The following CACNA1G variants were observed in gnomAD, a reference collection of about 807,000 sequenced individuals.
CACNA1G encodes the protein voltage-dependent T-type calcium channel subunit alpha-1G.
Under a neutral mutation model 219.4 loss-of-function variants are expected in CACNA1G, and 67 were observed. The ratio of observed to expected loss-of-function variants is 0.31; its 90% CI spans 0.25 to 0.37. CACNA1G has a LOEUF of 0.37. Ranked by LOEUF, CACNA1G falls within the 10% of genes least tolerant of loss-of-function variation. The pLI is 1.00. For synonymous variants in CACNA1G, 1,296 were observed against 1,345.3 expected (o/e 0.96, Z 0.80); for missense variants, 2,380 against 3,231.4 (o/e 0.74, Z 6.39).
rs150106833 is a variant in CACNA1G, at chr17:50,602,096, G to A, written c.3916-724G>A. ...TGCACTCCAGCCTTGGCTGCCTCCC[G>A]CCTGAGGCCCTGCTGTAGAGCTCTC... is the stretch of plus-strand genomic sequence containing the variant. On this transcript the variant is annotated intron_variant, in intron 19 of 37. Transcript: ENST00000359106. Among the ~76,000 whole-genome samples, 1,122 of 152,264 alleles carry A rather than the reference G, an allele frequency of 7.4e-3. 4 individuals are homozygous for A. The highest frequency in any genetic ancestry group is 0.024 in the Middle Eastern group (7 of 294).
chr17:50,573,969 T>C (rs893288825), intron 7 of CACNA1G, among the ~76,000 whole-genome samples: 1 of 152,254 alleles, frequency 6.6e-6, no homozygotes, highest in African/African-American at 2.4e-5. Context: ...TCCTCATTTA[T>C]CTGACCCTAC....
rs1213008889 is a variant in CACNA1G, at chr17:50,603,139, G to T, written c.4109G>T (p.Gly1370Val). 1 of 1,612,386 alleles carries T rather than the reference G, an allele frequency of 6.2e-7. No homozygotes were observed. The highest frequency in any genetic ancestry group is 1.7e-5 in the Admixed American group (1 of 59,996). The change falls in exon 21 of 38, where the codon GGC (glycine) becomes GTC (valine). Residue 1370 changes from glycine (G) to valine (V), a missense_variant. By Grantham distance (109) the Gly-to-Val change is moderately radical (BLOSUM62 -3). Around this residue, in one of 17 missense-constraint regions of CACNA1G, gnomAD observed 153 missense variants for 374.9 expected, o/e 0.41. Coordinates refer to ENST00000359106, the MANE Select transcript of CACNA1G (RefSeq NM_018896.5). This position sits in a 1 kb window ranked among gnomAD's most constrained non-coding sequence, Gnocchi z 6.4. The part of the protein sequence containing the change: ...DILVSMVSDS[G>V]TKILGMLRVL... ...CTGGTGTCCATGGTCTCTGACAGCG[G>T]CACCAAGATCCTGGGCATGCTGAGG...
chr17:50,572,110 T>C (rs2039571516), intron 5 of CACNA1G, 73 bp downstream of exon 5: 2 of 1,483,334 alleles, frequency 1.3e-6, no homozygotes, highest in African/African-American at 2.8e-5. Context: ...AGTTCCTCAC[T>C]TCCGGTTGCT....
rs374387476 is a variant in CACNA1G, at chr17:50,571,975, C to T, written c.684C>T (p.Val228=). ...CFFVFFIFGI[V]GVQLWAGLLR... is the part of the protein sequence containing the mutation. ...TCGTCTTCTTCATCTTCGGCATCGT[C>T]GGCGTCCAGCTGTGGGCAGGGCTGC... is the stretch of plus-strand genomic sequence containing the variant. The change falls in exon 5 of 38, where the codon GTC becomes GTT. Residue 228 remains valine (V), a synonymous_variant. Coordinates refer to ENST00000359106, the MANE Select transcript of CACNA1G (RefSeq NM_018896.5). This position sits in a 1 kb window ranked among gnomAD's most constrained non-coding sequence, Gnocchi z 4.3. The T allele has an allele frequency of 1.3e-5, 21 of 1,613,844 alleles. No individual in the cohort carries two copies. The highest frequency in any genetic ancestry group is 1.2e-4 in the South Asian group (11 of 91,090).
intron 14 of CACNA1G, among the ~76,000 whole-genome samples, chr17:50,595,719 CG>C (rs556269174): frequency 8.1e-4 from 124 of 152,368 alleles, no homozygotes; most frequent in African/African-American, 2.8e-3. Flanking sequence ...CACCAGAATT[CG>C]GGGCGAAGCC....
In CACNA1G at chr17:50,600,640, A is replaced by T; in HGVS notation, c.3691-86A>T. On this transcript the variant is annotated intron_variant, in intron 17 of 37. Coordinates refer to ENST00000359106, the MANE Select transcript of CACNA1G (RefSeq NM_018896.5). This position sits in a 1 kb window ranked among gnomAD's most constrained non-coding sequence, Gnocchi z 4.1. ...CCCAGGTGGGAGAGGGTAGACAAGG[A>T]GTGAGGCTCGTGACTCTGCTGAGGA... 8.9e-7 allele frequency: 1 copy of T among 1,123,006 alleles called. No homozygotes were observed. The highest frequency in any genetic ancestry group is 1.3e-6 in the Non-Finnish European group (1 of 743,534). 69.6% of individuals were successfully genotyped at this position (1,123,006 alleles called of 1,614,324 possible).
rs192178556 is a variant in CACNA1G, at chr17:50,611,168, C to A, written c.4759+1233C>A. On this transcript the variant is annotated intron_variant, in intron 26 of 37. Transcript: ENST00000359106. ...ACTCGGGAGGCTGAGGCAGGAGAAT[C>A]GCTTCAACCCGGGAGGCGGAGGTTG... Among the ~76,000 whole-genome samples the A allele has an allele frequency of 3.0e-3, 450 of 151,176 alleles. 1 individual carries two copies. Among genetic ancestry groups the A allele is most frequent in the African/African-American group, 0.01 (431 of 41,134 alleles).
At position 50,618,803 on chromosome 17, in the gene CACNA1G, A is replaced by G. The variant is rs1219813704; in HGVS notation, c.5576A>G (p.Lys1859Arg). Residue 1859 changes from lysine (K) to arginine (R), a missense_variant, in exon 33 of 38, where the codon AAG becomes AGG. Lys to Arg is a conservative substitution (Grantham distance 26). Coordinates refer to ENST00000359106, the MANE Select transcript of CACNA1G (RefSeq NM_018896.5). The surrounding 1 kb of genome is among the most constrained non-coding windows in gnomAD (Gnocchi z 5.3). ...ATGAAGCACCTGGAGGAGAGCAACA[A>G]GGAGGCCAAGGAGGAGGCCGAGCTA... is the stretch of plus-strand genomic sequence containing the variant. ...VLMKHLEESN[K>R]EAKEEAELEA... The G allele has an allele frequency of 1.2e-6, 2 of 1,613,936 alleles. No homozygotes were observed. Among genetic ancestry groups the G allele is most frequent in the East Asian group, 2.2e-5 (1 of 44,874 alleles).
intron 9 of CACNA1G, among the ~76,000 whole-genome samples, chr17:50,581,065 G>A (rs527346592): frequency 6.6e-6 from 1 of 151,252 alleles, no homozygotes; most frequent in Non-Finnish European, 1.5e-5. Flanking sequence ...AGACTGATGG[G>A]GGCGAGACAG....
chr17:50,597,002 G>C, intron 16 of CACNA1G, 79 bp downstream of exon 16: 1 of 1,322,136 alleles, frequency 7.6e-7, no homozygotes, highest in Non-Finnish European at 1.0e-6. Flanking sequence ...GAGGCAGGCG[G>C]GTCCAAGGGC....
chr17:50,626,363 T>C lies in CACNA1G; in HGVS notation c.6746T>C (p.Val2249Ala), dbSNP rs759750004. The C allele has an allele frequency of 1.9e-6, 3 of 1,612,448 alleles. No individual in the cohort carries two copies. Among genetic ancestry groups the C allele is most frequent in the Non-Finnish European group, 2.5e-6 (3 of 1,179,614 alleles). ...CGGGACCTGAAGAAGTGCTACAGCG[T>C]GGAGGCCCAGAGCTGCCAGCGCCGG... is the stretch of plus-strand genomic sequence containing the variant. ...SPRDLKKCYS[V>A]EAQSCQRRPT... is the part of the protein sequence containing the mutation. Residue 2249 changes from valine (V) to alanine (A), a missense_variant, in exon 38 of 38, where the codon GTG becomes GCG. Coordinates refer to ENST00000359106, the MANE Select transcript of CACNA1G (RefSeq NM_018896.5). This position sits in a 1 kb window ranked among gnomAD's most constrained non-coding sequence, Gnocchi z 4.3.
intron 20 of CACNA1G, 43 bp downstream of exon 20, chr17:50,602,931 G>A: frequency 2.5e-6 from 4 of 1,612,616 alleles, no homozygotes; most frequent in Non-Finnish European, 3.4e-6. Flanking sequence ...GGTTCCTGGT[G>A]GGGGTGGAGA....
intron 33 of CACNA1G, 56 bp from the exon 34 acceptor site, chr17:50,619,627 C>T (rs772128640): frequency 1.5e-5 from 23 of 1,550,704 alleles, no homozygotes; most frequent in Non-Finnish European, 1.9e-5. Flanking sequence ...CCCATCACTG[C>T]CCTCTGACCC....
chr17:50,573,434 C>T, intron 7 of CACNA1G: 1 of 244,388 alleles, frequency 4.1e-6, no homozygotes, highest in Non-Finnish European at 7.9e-6. Context: ...TCCCAGAGGG[C>T]ATTTGGAAAT....
chr17:50,571,762 C>G lies in CACNA1G; in HGVS notation c.587-116C>G. 5.0e-6 allele frequency: 5 copies of G among 1,005,622 alleles called. No individual in the cohort carries two copies. The South Asian group carries it at 7.3e-5, about 15-fold the overall frequency. The allele number at this position is 1,005,622 out of a possible 1,614,324, so 62.3% of individuals were successfully genotyped here. On this transcript the variant is annotated intron_variant, in intron 4 of 37. Transcript: ENST00000359106. The surrounding 1 kb of genome is among the most constrained non-coding windows in gnomAD (Gnocchi z 4.3). Reference sequence around the variant, plus strand: ...TGTTGGTCTCCCCTCCAGCTTGAGCCGGGCCGTCTCAGCCTCAGAGTCCCT... The same window carrying G: ...TGTTGGTCTCCCCTCCAGCTTGAGCGGGGCCGTCTCAGCCTCAGAGTCCCT...
Position 50,626,849 on chromosome 17 carries a change from C to A in CACNA1G, c.*98C>A. ...CCTGACAAAAGTTCCATATAGACAC[C>A]AAGGAGGCGGAGGCGCTCCTCCCTG... On this transcript the variant is annotated 3_prime_UTR_variant, in exon 38 of 38. Transcript: ENST00000359106. This position sits in a 1 kb window ranked among gnomAD's most constrained non-coding sequence, Gnocchi z 4.3. The A allele has an allele frequency of 6.6e-7, 1 of 1,506,074 alleles. No individual in the cohort carries two copies. The highest frequency in any genetic ancestry group is 9.2e-7 in the Non-Finnish European group (1 of 1,083,784). The allele number at this position is 1,506,074 out of a possible 1,614,324, so 93.3% of individuals were successfully genotyped here. A position where few individuals can be genotyped will look rare whatever the true frequency, so the allele number is the denominator to read the frequency against.
At position 50,618,821 on chromosome 17, in the gene CACNA1G, C is replaced by G; in HGVS notation, c.5594C>G (p.Ala1865Gly). Residue 1865 changes from alanine to glycine, a missense_variant, in exon 33 of 38, where the codon GCC (alanine) becomes GGC (glycine). Ala to Gly is a moderately conservative substitution (Grantham distance 60). Coordinates refer to ENST00000359106, the MANE Select transcript of CACNA1G (RefSeq NM_018896.5). This position sits in a 1 kb window ranked among gnomAD's most constrained non-coding sequence, Gnocchi z 5.3. ...EESNKEAKEE[A>G]ELEAELELEM... ...AGCAACAAGGAGGCCAAGGAGGAGGCCGAGCTAGAGGCTGAGCTGGAGCTG... is the reference window on the plus strand; with the variant it reads ...AGCAACAAGGAGGCCAAGGAGGAGGGCGAGCTAGAGGCTGAGCTGGAGCTG... 6.2e-7 allele frequency: 1 copy of G among 1,613,896 alleles called. No individual in the cohort carries two copies. The highest frequency in any genetic ancestry group is 1.1e-5 in the South Asian group (1 of 91,092).
intron 24 of CACNA1G, chr17:50,607,269 C>T (rs2048151011): frequency 4.5e-6 from 2 of 446,400 alleles, no homozygotes; most frequent in Non-Finnish European, 8.5e-6. Flanking sequence ...ATTGGGAGGC[C>T]TAGGCAAGAG....
At position 50,626,048 on chromosome 17, in the gene CACNA1G, A is replaced by T; in HGVS notation, c.6431A>T (p.Gln2144Leu). The T allele has an allele frequency of 6.2e-7, 1 of 1,612,566 alleles. No individual in the cohort carries two copies. Among genetic ancestry groups the T allele is most frequent in the Non-Finnish European group, 8.5e-7 (1 of 1,179,220 alleles). Residue 2144 changes from glutamine (Q) to leucine (L), a missense_variant, in exon 38 of 38, where the codon CAG (glutamine) becomes CTG (leucine). By Grantham distance (113) the Gln-to-Leu change is moderately radical. Transcript: ENST00000359106. This position sits in a 1 kb window ranked among gnomAD's most constrained non-coding sequence, Gnocchi z 4.3. ...ATAAGGACTGACTCCTTGGACGTTC[A>T]GGGTCTGGGCAGCCGGGAAGACCTG... The part of the protein sequence containing the change: ...AAIRTDSLDV[Q>L]GLGSREDLLA...
Sources: gnomAD v4.1 joint callset for allele counts (sites outside exome capture counted in the v4.1 genomes callset) on GRCh38, gnomAD v4.1.1 for gene constraint, gnomAD v4.1.1 regional missense constraint, Gnocchi (gnomAD v3.1) non-coding constraint, MANE v1.5 for transcripts, NCBI Gene and HGNC (gene_info 2026-07-23, HGNC 2026-07-21) for gene names.